Variants in MTOR observed in about 807,000 individuals in gnomAD.
The protein encoded by MTOR is serine/threonine-protein kinase mTOR.
MTOR carries 70 observed loss-of-function variants against 319.8 expected under a neutral mutation model. That is an observed-to-expected ratio of 0.22 (90% CI 0.18 to 0.27). MTOR has a LOEUF of 0.27. MTOR is among the 10% of genes least tolerant of loss of function. The pLI is 1.00. For synonymous variants in MTOR, 1,183 were observed against 1,211.4 expected, an observed-to-expected ratio of 0.98 and a Z score of 0.49; for missense variants, 1,890 against 3,274.4, an observed-to-expected ratio of 0.58 and a Z score of 10.32.
chr1:11,145,149 C>G, intron 32 of MTOR, 104 bp from the exon 33 acceptor site: 1 of 985,064 alleles, frequency 1.0e-6, no homozygotes, highest in Non-Finnish European at 1.6e-6. Context: ...CACTTAAATT[C>G]CAGGGATGAA....
chr1:11,170,414 C>G (rs1644775665), intron 28 of MTOR, among the ~76,000 whole-genome samples: 1 of 151,770 alleles, frequency 6.6e-6, no homozygotes, highest in African/African-American at 2.4e-5. Flanking sequence ...CATAAGAAAA[C>G]AGGAAAAAAG....
intron 8 of MTOR, among the ~76,000 whole-genome samples, chr1:11,245,526 T>C (rs1283775154): frequency 1.3e-5 from 2 of 152,190 alleles, no homozygotes; most frequent in South Asian, 2.1e-4. Flanking sequence ...ACCAAGGAGA[T>C]ACAACCCTAA....
intron 29 of MTOR, among the ~76,000 whole-genome samples, chr1:11,167,177 T>C (rs1644671551): frequency 6.6e-6 from 1 of 151,632 alleles, no homozygotes; most frequent in Non-Finnish European, 1.5e-5. Flanking sequence ...CACACCAACA[T>C]GGCACATGTG....
intron 56 of MTOR, among the ~76,000 whole-genome samples, chr1:11,108,812 T>C (rs1363588356): frequency 6.6e-6 from 1 of 150,938 alleles, no homozygotes; most frequent in African/African-American, 2.4e-5. Context: ...CTGCCCAACA[T>C]GGTGAAACCC....
At chr1:11,231,746 T>C (rs1206498420) in intron 16 of MTOR, among the ~76,000 whole-genome samples, 1 of 152,222 alleles carries the variant, frequency 6.6e-6, no homozygotes, top group Non-Finnish European at 1.5e-5. Flanking sequence ...TTTTTTGTTG[T>C]TGTTGAGACA....
intron 36 of MTOR, among the ~76,000 whole-genome samples, chr1:11,134,935 C>A (rs905401463): frequency 7.2e-5 from 11 of 152,158 alleles, no homozygotes; most frequent in African/African-American, 2.7e-4. Context: ...TCATATAGCA[C>A]CCAAATAAGA....
intron 49 of MTOR, among the ~76,000 whole-genome samples, chr1:11,118,627 T>G (rs1433007882): frequency 6.7e-6 from 1 of 149,422 alleles, no homozygotes; most frequent in Non-Finnish European, 1.5e-5. Context: ...TCTTTTTTTT[T>G]TTTTTTTTTG....
rs554417844 is a variant in MTOR, at chr1:11,136,274, C to T, written c.5131-1808G>A. ...AATTGGCATGAAGAGACTGGGTTAA[C>T]CCAGAGCCAGAATGACATGACAAAC... On this transcript the variant is annotated intron_variant, in intron 36 of 57. Transcript: ENST00000361445. Among the ~76,000 whole-genome samples, 51 of 152,300 alleles carry T rather than the reference C, an allele frequency of 3.3e-4. No homozygotes were observed. The South Asian group carries it at 8.5e-3, about 25-fold the overall frequency.
intron 37 of MTOR, 63 bp downstream of exon 37, chr1:11,134,288 T>G: frequency 4.0e-6 from 6 of 1,484,042 alleles, no homozygotes; most frequent in Non-Finnish European, 5.6e-6. Context: ...TCCTCCTTGC[T>G]GCAGAAGCTG....
chr1:11,118,075 C>G (rs1488602875), intron 49 of MTOR, among the ~76,000 whole-genome samples: 3 of 150,760 alleles, frequency 2.0e-5, no homozygotes, highest in Non-Finnish European at 4.4e-5. Flanking sequence ...GCGAAACTCT[C>G]TCTCAAAAAA....
At chr1:11,139,510 G>A (rs2100478372) in intron 35 of MTOR, 23 bp downstream of exon 35, 1 of 1,614,160 alleles carries the variant, frequency 6.2e-7, no homozygotes, top group Non-Finnish European at 8.5e-7. Context: ...ACCTGCCCAT[G>A]TGGGTGGGTG....
At chr1:11,185,249 CTT>C (rs111731836) in intron 28 of MTOR, among the ~76,000 whole-genome samples, 18 of 139,384 alleles carry the variant, frequency 1.3e-4, no homozygotes, top group African/African-American at 1.3e-4. Context: ...ATCAGAGAGA[CTT>C]TTTTTTTTTT....
At chr1:11,256,875 C>A (rs554000422) in intron 4 of MTOR, 58 bp downstream of exon 4, 48 of 1,514,068 alleles carry the variant, frequency 3.2e-5, no homozygotes, top group South Asian at 8.2e-5. Context: ...AGCAAAAGAC[C>A]CCCCCATGAC....
Position 11,115,189 on chromosome 1 carries a change from T to C in MTOR, c.7089+207A>G, listed in dbSNP as rs1043999995. 8.5e-5 allele frequency among the ~76,000 whole-genome samples: 13 copies of C among 152,048 alleles called. No individual in the cohort carries two copies. Among genetic ancestry groups the C allele is most frequent in the African/African-American group, 2.9e-4 (12 of 41,388 alleles). Reference sequence around the variant, plus strand: ...AGGGGCCTACTCTACTCAGAGGGCATGGGAACAGCAGCCCTTGCTCCAAGG... The same window carrying C: ...AGGGGCCTACTCTACTCAGAGGGCACGGGAACAGCAGCCCTTGCTCCAAGG... On this transcript the variant is annotated intron_variant, in intron 51 of 57. Transcript: ENST00000361445. This position sits in a 1 kb window ranked among gnomAD's most constrained non-coding sequence, Gnocchi z 4.5.
In MTOR at chr1:11,109,613, T is replaced by C; in HGVS notation, c.7447+36A>G. On this transcript the variant is annotated intron_variant, in intron 55 of 57. Coordinates refer to ENST00000361445, the MANE Select transcript of MTOR (RefSeq NM_004958.4). The surrounding 1 kb of genome is among the most constrained non-coding windows in gnomAD (Gnocchi z 4.0). ...CACAGCTGCTATTTTCTTAATGAGC[T>C]AGTCACTGGTGCGGTTCCTCAGAGG... The C allele has an allele frequency of 6.3e-7, 1 of 1,583,220 alleles. No individual in the cohort carries two copies. Among genetic ancestry groups the C allele is most frequent in the Non-Finnish European group, 8.7e-7 (1 of 1,151,778 alleles).
intron 21 of MTOR, 45 bp downstream of exon 21, chr1:11,213,352 CAG>C (rs1201138695): frequency 6.3e-7 from 1 of 1,582,250 alleles, no homozygotes; most frequent in South Asian, 1.2e-5. Context: ...CCCAGGGACT[CAG>C]AGGAAATCAG....
At chr1:11,258,880 G>A (rs372291570) in intron 2 of MTOR, among the ~76,000 whole-genome samples, 38 of 152,238 alleles carry the variant, frequency 2.5e-4, no homozygotes, top group Middle Eastern at 3.4e-3. Flanking sequence ...TACTGTCTCT[G>A]ACCTCAAGTC....
chr1:11,137,582 T>C (rs896721581), intron 36 of MTOR, among the ~76,000 whole-genome samples: 1 of 152,220 alleles, frequency 6.6e-6, no homozygotes, highest in Admixed American at 6.5e-5. Context: ...TTCCCTCTTA[T>C]AAATGAAGGA....
intron 26 of MTOR, among the ~76,000 whole-genome samples, chr1:11,201,852 G>T (rs2100754647): frequency 1.3e-5 from 2 of 152,220 alleles, no homozygotes; most frequent in South Asian, 2.1e-4. Flanking sequence ...TGCCATCTAG[G>T]CTGGAATGCA....
Sources: gnomAD v4.1 joint callset for allele counts (sites outside exome capture counted in the v4.1 genomes callset) on GRCh38, gnomAD v4.1.1 for gene constraint, Gnocchi (gnomAD v3.1) non-coding constraint, MANE v1.5 for transcripts, NCBI Gene and HGNC (gene_info 2026-07-23, HGNC 2026-07-21) for gene names.